Variants in PNPLA7 observed in about 807,000 individuals in gnomAD.
PNPLA7 encodes patatin like domain 7, lysophospholipase, also known as patatin-like phospholipase domain-containing protein 7.
A neutral mutation model predicts 161.7 loss-of-function variants in PNPLA7; 153 were observed. The observed-to-expected ratio is 0.95, with a 90% confidence interval of 0.83 to 1.08. The LOEUF is 1.08. PNPLA7 is among the 50% of genes least tolerant of loss of function. The probability of loss-of-function intolerance (pLI) is 0.00; values close to 1 mark genes in which losing one functional copy is unlikely to be tolerated. For synonymous variants in PNPLA7, 809 were observed against 782.1 expected, an observed-to-expected ratio of 1.03 and a Z score of -0.57; for missense variants, 1,739 against 1,856.6, an observed-to-expected ratio of 0.94 and a Z score of 1.16.
chr9:137,482,653 C>T (rs746437335), intron 21 of PNPLA7, among the ~76,000 whole-genome samples: 7 of 152,204 alleles, frequency 4.6e-5, no homozygotes, highest in Non-Finnish European at 5.9e-5. Flanking sequence ...GTCACAGAAA[C>T]GGCACCCACA....
chr9:137,498,668 C>T (rs928985846), intron 16 of PNPLA7, among the ~76,000 whole-genome samples: 1 of 152,204 alleles, frequency 6.6e-6, no homozygotes, highest in African/African-American at 2.4e-5. Context: ...GCCTGGATAG[C>T]ACAGGGTCTC....
In PNPLA7 at chr9:137,484,601, G is replaced by A; in HGVS notation, c.2333C>T (p.Ala778Val). 1 of 1,609,800 alleles carries A rather than the reference G, an allele frequency of 6.2e-7. No homozygotes were observed. Among genetic ancestry groups the A allele is most frequent in the African/African-American group, 1.3e-5 (1 of 75,002 alleles). The change falls in exon 21 of 35, where the codon GCC becomes GTC. Residue 778 changes from alanine (A) to valine (V), a missense_variant. Transcript: ENST00000406427. ...CTCAGGCTTACCGATGGCGCTGAGG[G>A]CATGCTCCAGCTCCAGGGCGAAGGC... ...LTAFALELEH[A>V]LSAIGPTLLL...
At chr9:137,542,065 T>A (rs750521537) in intron 7 of PNPLA7, among the ~76,000 whole-genome samples, 1 of 152,232 alleles carries the variant, frequency 6.6e-6, no homozygotes, top group Non-Finnish European at 1.5e-5. Context: ...ATTAATTTAA[T>A]TTTGTTAGAA....
rs1833283009 is a variant in PNPLA7, at chr9:137,499,825, G to T, written c.1757+866C>A. Among the ~76,000 whole-genome samples, 1 of 152,238 alleles carries T rather than the reference G, an allele frequency of 6.6e-6. No individual in the cohort carries two copies. Among genetic ancestry groups the T allele is most frequent in the African/African-American group, 2.4e-5 (1 of 41,466 alleles). The stretch of plus-strand genomic sequence containing the variant: ...TTTCTTCAGCTGCTGTGCTTCCACT[G>T]ACCTTCAGGCTTCTGACCTCTCCTG... On this transcript the variant is annotated intron_variant, in intron 16 of 34. Transcript: ENST00000406427. The surrounding 1 kb of genome is among the most constrained non-coding windows in gnomAD (Gnocchi z 5.5).
At chr9:137,505,903 G>A (rs562614722) in intron 13 of PNPLA7, 80 bp downstream of exon 13, 12 of 1,532,606 alleles carry the variant, frequency 7.8e-6, no homozygotes, top group African/African-American at 6.8e-5. Flanking sequence ...CACCAAAGCC[G>A]GCGGCGCCCC....
At chr9:137,495,992 A>C (rs893253902) in intron 18 of PNPLA7, among the ~76,000 whole-genome samples, 10 of 152,152 alleles carry the variant, frequency 6.6e-5, no homozygotes, top group African/African-American at 2.4e-4. Context: ...GCACACTGAC[A>C]GAGTTCCCAT....
In PNPLA7 at chr9:137,545,059, G is replaced by A. The variant is rs190324788; in HGVS notation, c.274-1244C>T. ...GCGGTTTCTGTGAAGCTTCTGGGTG[G>A]TCTGTTGAGCACCTCCTGGGCCCTT... On this transcript the variant is annotated intron_variant, in intron 4 of 34. Transcript: ENST00000406427. Among the ~76,000 whole-genome samples, 210 of 152,266 alleles carry A rather than the reference G, an allele frequency of 1.4e-3. 3 individuals are homozygous for A. The highest frequency in any genetic ancestry group is 8.1e-3 in the South Asian group (39 of 4,830).
chr9:137,463,416 T>C lies in PNPLA7; in HGVS notation c.3342A>G (p.Pro1114=), dbSNP rs375382976. The C allele has an allele frequency of 1.9e-6, 3 of 1,601,656 alleles. No individual in the cohort carries two copies. The highest frequency in any genetic ancestry group is 2.7e-5 in the African/African-American group (2 of 74,774). Residue 1114 remains proline, a splice_region_variant and synonymous_variant, in exon 29 of 35, where the codon CCA becomes CCG. Transcript: ENST00000406427. The part of the protein sequence containing the change: ...LMDGGYINNL[P]ADVARSMGAK... ...GGCGTGGTCCCCCCACCGCAGTACC[T>C]GGGAGGTTGTTGATGTAGCCCCCGT... is the stretch of plus-strand genomic sequence containing the variant.
At chr9:137,477,743 A>G (rs1832007710) in intron 25 of PNPLA7, among the ~76,000 whole-genome samples, 1 of 152,188 alleles carries the variant, frequency 6.6e-6, no homozygotes, top group African/African-American at 2.4e-5. Context: ...CGCCCGGCCC[A>G]AGCAACCACT....
chr9:137,460,424 A>G lies in PNPLA7; in HGVS notation c.3998T>C (p.Leu1333Pro). ...GTCCTGGTCAGAGGAGCCCTCAGAC[A>G]GTTTTGGGAAAGCCAGACTGGGGTG... is the stretch of plus-strand genomic sequence containing the variant. ...HRHPSLAFPK[L>P]SEGSSDQDG is the part of the protein sequence containing the mutation. The change falls in exon 35 of 35, where the codon CTG becomes CCG. Residue 1333 changes from leucine to proline, a missense_variant. Around this residue, in one of 6 missense-constraint regions of PNPLA7, gnomAD observed 703 missense variants for 694.6 expected, o/e 1.01. Transcript: ENST00000406427. 6.2e-7 allele frequency: 1 copy of G among 1,612,666 alleles called. No individual in the cohort carries two copies. The highest frequency in any genetic ancestry group is 8.5e-7 in the Non-Finnish European group (1 of 1,179,882).
chr9:137,522,410 T>G (rs1372369582), intron 9 of PNPLA7, among the ~76,000 whole-genome samples: 4 of 151,048 alleles, frequency 2.6e-5, no homozygotes, highest in African/African-American at 7.3e-5. Context: ...CAGGATGGTC[T>G]CGATCTCCTG....
intron 8 of PNPLA7, among the ~76,000 whole-genome samples, chr9:137,530,067 C>T (rs933487722): frequency 6.6e-6 from 1 of 151,992 alleles, no homozygotes; most frequent in Non-Finnish European, 1.5e-5. Context: ...CGGGTTCAAG[C>T]GATTCTCCGG....
At position 137,483,968 on chromosome 9, in the gene PNPLA7, C is replaced by T. The variant is rs148555824; in HGVS notation, c.2347+619G>A. ...TTATTATTTGAGACAGAATCTTGCT[C>T]TGTCGCCCAGGCTGGAGTGCAATGG... On this transcript the variant is annotated intron_variant, in intron 21 of 34. Transcript: ENST00000406427. 8.8e-4 allele frequency among the ~76,000 whole-genome samples: 134 copies of T among 152,194 alleles called. 1 individual carries two copies. The highest frequency in any genetic ancestry group is 2.9e-3 in the African/African-American group (120 of 41,520).
chr9:137,520,819 C>G lies in PNPLA7; in HGVS notation c.958-776G>C, dbSNP rs1024053437. Among the ~76,000 whole-genome samples the G allele has an allele frequency of 1.3e-5, 2 of 152,220 alleles. No individual in the cohort carries two copies. The highest frequency in any genetic ancestry group is 2.4e-5 in the African/African-American group (1 of 41,464). On this transcript the variant is annotated intron_variant, in intron 10 of 34. Coordinates refer to ENST00000406427, the MANE Select transcript of PNPLA7 (RefSeq NM_001098537.3). The surrounding 1 kb of genome is among the most constrained non-coding windows in gnomAD (Gnocchi z 5.2). ...GACAATGCGCTGTACCCTCCAAACG[C>G]GTCACAGTTCAGGGTCAGCTCCGCC... is the stretch of plus-strand genomic sequence containing the variant.
intron 14 of PNPLA7, among the ~76,000 whole-genome samples, 155 bp downstream of exon 14, chr9:137,505,459 G>C (rs942384819): frequency 6.6e-6 from 1 of 152,130 alleles, no homozygotes; most frequent in Non-Finnish European, 1.5e-5. Context: ...GCTTCCCAAA[G>C]GGGACCCCAA....
chr9:137,550,077 C>T (rs866538005), intron 1 of PNPLA7, 91 bp downstream of exon 1: 29 of 1,514,966 alleles, frequency 1.9e-5, no homozygotes, highest in African/African-American at 8.2e-5. Flanking sequence ...CCAAAGAGCG[C>T]GGCAGAGCAG....
At chr9:137,471,186 T>C (rs994839945) in intron 25 of PNPLA7, among the ~76,000 whole-genome samples, 4 of 152,232 alleles carry the variant, frequency 2.6e-5, no homozygotes, top group African/African-American at 9.6e-5. Flanking sequence ...TCAAAAAGAA[T>C]CTACAACAAA....
At chr9:137,535,801 G>C (rs1032119040) in intron 8 of PNPLA7, among the ~76,000 whole-genome samples, 9 of 150,138 alleles carry the variant, frequency 6.0e-5, no homozygotes, top group African/African-American at 2.2e-4. Context: ...TGAAAAATAT[G>C]ACAGAAATTA....
Position 137,464,471 on chromosome 9 carries a change from G to A in PNPLA7, c.3040-15C>T, listed in dbSNP as rs534725811. The A allele has an allele frequency of 1.2e-6, 2 of 1,608,354 alleles. No individual in the cohort carries two copies. The highest frequency in any genetic ancestry group is 2.2e-5 in the East Asian group (1 of 44,838). On this transcript the variant is annotated splice_polypyrimidine_tract_variant and intron_variant, in intron 26 of 34. Coordinates refer to ENST00000406427, the MANE Select transcript of PNPLA7 (RefSeq NM_001098537.3). ...GACGTCATGCCCTGGGGCCACATGT[G>A]GAATTTACAGAAGGCTTCCACCCTC...
Sources: gnomAD v4.1 joint callset for allele counts (sites outside exome capture counted in the v4.1 genomes callset) on GRCh38, gnomAD v4.1.1 for gene constraint, gnomAD v4.1.1 regional missense constraint, Gnocchi (gnomAD v3.1) non-coding constraint, MANE v1.5 for transcripts, NCBI Gene and HGNC (gene_info 2026-07-23, HGNC 2026-07-21) for gene names.